The following DLGAP1 variants were observed in gnomAD, a reference collection of about 807,000 sequenced individuals.
DLGAP1 encodes disks large-associated protein 1.
DLGAP1 carries 11 observed loss-of-function variants against 90.8 expected under a neutral mutation model. The observed-to-expected ratio is 0.12, with a 90% CI of 0.08 to 0.20. DLGAP1 has a LOEUF of 0.20. Ranked by LOEUF, DLGAP1 falls within the 10% of genes least tolerant of loss-of-function variation. The pLI is 1.00. For synonymous variants in DLGAP1, 558 were observed against 540.7 expected, an observed-to-expected ratio of 1.03 and a Z score of -0.44; for missense variants, 1,050 against 1,333.8, an observed-to-expected ratio of 0.79 and a Z score of 3.31.
intron 1 of DLGAP1, among the ~76,000 whole-genome samples, chr18:4,372,359 G>C (rs1381904): frequency 0.14 from 21,421 of 152,264 alleles, 2,086 homozygotes; most frequent in African/African-American, 0.28. Context: ...AGTGGCAGTG[G>C]ACAGCCACGA....
intron 1 of DLGAP1, among the ~76,000 whole-genome samples, chr18:4,422,927 A>G (rs2083072561): frequency 6.6e-6 from 1 of 152,148 alleles, no homozygotes; most frequent in Non-Finnish European, 1.5e-5. Context: ...AATTATACAC[A>G]TAAATTATAA....
intron 2 of DLGAP1, among the ~76,000 whole-genome samples, chr18:4,083,412 G>GA (rs1357090101): frequency 6.6e-6 from 1 of 151,948 alleles, no homozygotes; most frequent in African/African-American, 2.4e-5. Context: ...CAGAAAATAT[G>GA]AAAAAAATTA....
intron 7 of DLGAP1, among the ~76,000 whole-genome samples, chr18:3,646,415 G>T (rs985842759): frequency 6.6e-6 from 1 of 151,936 alleles, no homozygotes; most frequent in Admixed American, 6.6e-5. Flanking sequence ...GATAGGAAAA[G>T]AAAACAAATA....
chr18:4,304,931 C>A (rs1218377992), intron 1 of DLGAP1, among the ~76,000 whole-genome samples: 48 of 142,328 alleles, frequency 3.4e-4, no homozygotes, highest in African/African-American at 3.5e-4. Flanking sequence ...AACTGTGTCT[C>A]AAAAAAAAAA....
intron 1 of DLGAP1, among the ~76,000 whole-genome samples, chr18:4,427,700 T>A (rs2083187762): frequency 6.6e-6 from 1 of 152,172 alleles, no homozygotes; most frequent in Non-Finnish European, 1.5e-5. Context: ...CTGTCTGTCA[T>A]CCATTATTTT....
intron 7 of DLGAP1, among the ~76,000 whole-genome samples, chr18:3,604,552 G>A (rs1312696309): frequency 3.3e-5 from 5 of 152,032 alleles, no homozygotes; most frequent in African/African-American, 9.7e-5. Flanking sequence ...CCCCATCTCA[G>A]TACACGATCC....
chr18:3,560,217 A>G (rs1207299050), intron 9 of DLGAP1, among the ~76,000 whole-genome samples: 1 of 151,602 alleles, frequency 6.6e-6, no homozygotes, highest in African/African-American at 2.4e-5. Context: ...TCAGGAGATC[A>G]AGACCATCCT....
chr18:3,654,261 C>T (rs1047932788), intron 7 of DLGAP1, among the ~76,000 whole-genome samples: 10 of 152,258 alleles, frequency 6.6e-5, no homozygotes, highest in African/African-American at 1.9e-4. Flanking sequence ...CAGAGGCTGC[C>T]GGACTAGCCC....
chr18:4,399,040 C>T (rs1292057149), intron 1 of DLGAP1, among the ~76,000 whole-genome samples: 2 of 152,130 alleles, frequency 1.3e-5, no homozygotes, highest in African/African-American at 4.8e-5. Flanking sequence ...TCATGTTGGC[C>T]AGGATGGTCA....
intron 1 of DLGAP1, among the ~76,000 whole-genome samples, chr18:4,198,468 T>C (rs773343194): frequency 1.5e-4 from 21 of 135,688 alleles, no homozygotes; most frequent in Non-Finnish European, 2.7e-4. Context: ...AAACAATTAA[T>C]AGATATTATT....
intron 3 of DLGAP1, among the ~76,000 whole-genome samples, chr18:3,911,627 G>A (rs2072036191): frequency 6.6e-6 from 1 of 152,172 alleles, no homozygotes; most frequent in African/African-American, 2.4e-5. Flanking sequence ...CCCAGCAAGG[G>A]CATTACATAA....
intron 1 of DLGAP1, among the ~76,000 whole-genome samples, chr18:4,227,031 A>G (rs1441362102): frequency 6.6e-6 from 1 of 152,080 alleles, no homozygotes; most frequent in Non-Finnish European, 1.5e-5. Context: ...ATCCATGCAA[A>G]TGGAAACCAA....
At chr18:4,372,215 T>C (rs115071481) in intron 1 of DLGAP1, among the ~76,000 whole-genome samples, 1,970 of 152,320 alleles carry the variant, frequency 0.013, 21 homozygotes, top group African/African-American at 0.028. Flanking sequence ...AGGTATAAAA[T>C]GGCTAAAACC....
chr18:3,646,976 C>T (rs1023654175), intron 7 of DLGAP1, among the ~76,000 whole-genome samples: 9 of 151,892 alleles, frequency 5.9e-5, no homozygotes, highest in South Asian at 2.1e-4. Flanking sequence ...TCACCGGGTG[C>T]GGTGGCTCAC....
Position 3,879,598 on chromosome 18 carries a change from C to G in DLGAP1, c.471G>C (p.Gly157=). 6.2e-7 allele frequency: 1 copy of G among 1,601,580 alleles called. No individual in the cohort carries two copies. Residue 157 remains glycine, a synonymous_variant, in exon 4 of 13, where the codon GGG becomes GGC. Transcript: ENST00000315677. The surrounding 1 kb of genome is among the most constrained non-coding windows in gnomAD (Gnocchi z 6.6). ...KLFTKSHSLE[G]PSKGSVNGGK... is the part of the protein sequence containing the mutation. ...CCCCGTTGACGCTGCCCTTGGACGG[C>G]CCCTCCAGGGAGTGCGACTTGGTGA...
At chr18:3,679,451 C>T (rs1221975577) in intron 7 of DLGAP1, among the ~76,000 whole-genome samples, 8 of 151,656 alleles carry the variant, frequency 5.3e-5, no homozygotes, top group South Asian at 2.1e-4. Flanking sequence ...CATGTGTAGC[C>T]GCGCCAAGAA....
chr18:3,727,969 A>G lies in DLGAP1; in HGVS notation c.1591+1166T>C, dbSNP rs1164557183. 2.6e-5 allele frequency: 4 copies of G among 152,112 alleles called. No individual in the cohort carries two copies. Among genetic ancestry groups the G allele is most frequent in the Admixed American group, 1.3e-4 (2 of 15,262 alleles). The allele number at this position is 152,112 out of a possible 1,614,324, so 9.4% of individuals were successfully genotyped here. Reference sequence around the variant, plus strand: ...GGTCAAGAATGAACTCCTCTTGTTTAACCCATATATTTATTTTAAATAAAA... The same window carrying G: ...GGTCAAGAATGAACTCCTCTTGTTTGACCCATATATTTATTTTAAATAAAA... On this transcript the variant is annotated intron_variant, in intron 7 of 12. Coordinates refer to ENST00000315677, the MANE Select transcript of DLGAP1 (RefSeq NM_004746.4). This position sits in a 1 kb window ranked among gnomAD's most constrained non-coding sequence, Gnocchi z 4.7.
chr18:4,433,801 A>G (rs2083341146), intron 1 of DLGAP1, among the ~76,000 whole-genome samples: 1 of 152,232 alleles, frequency 6.6e-6, no homozygotes, highest in Non-Finnish European at 1.5e-5. Flanking sequence ...AGTCATTTCC[A>G]GAATATGCTA....
intron 7 of DLGAP1, chr18:3,721,673 TGC>T (rs1022376336): frequency 5.3e-5 from 8 of 152,182 alleles, no homozygotes; most frequent in Non-Finnish European, 1.2e-4. Context: ...AATGCATATT[TGC>T]GAGAGGAAAG....
Sources: allele counts gnomAD v4.1 joint callset (sites outside exome capture counted in the v4.1 genomes callset), GRCh38; gene constraint gnomAD v4.1.1; non-coding constraint Gnocchi (gnomAD v3.1); transcripts MANE v1.5; gene names NCBI Gene and HGNC (gene_info 2026-07-23, HGNC 2026-07-21).